ADGRL3: variants seen among roughly 807,000 people sequenced by gnomAD.
ADGRL3 encodes the protein calcium-independent alpha-latrotoxin receptor 3.
ADGRL3 carries 62 observed loss-of-function variants against 153.5 expected under a neutral mutation model. That is an observed-to-expected ratio of 0.40 (90% CI 0.33 to 0.50). ADGRL3 has a LOEUF of 0.50. Among genes scored for constraint, ADGRL3 ranks in the 20% least tolerant of loss-of-function variants. ADGRL3 has a pLI of 0.47. For missense variants in ADGRL3, 1,641 were observed against 1,859.4 expected (o/e 0.88, Z 2.16); for synonymous variants, 710 against 672.5 (o/e 1.06, Z -0.86).
chr4:61,914,558 G>A (rs914368246), intron 13 of ADGRL3, among the ~76,000 whole-genome samples: 2 of 152,064 alleles, frequency 1.3e-5, no homozygotes, highest in Non-Finnish European at 2.9e-5. Flanking sequence ...AACTTAGCAA[G>A]GCATTTGTTC....
chr4:61,984,449 A>G (rs2099078770), intron 19 of ADGRL3, among the ~76,000 whole-genome samples: 1 of 152,110 alleles, frequency 6.6e-6, no homozygotes, highest in African/African-American at 2.4e-5. Flanking sequence ...GTGCATGTCT[A>G]TAAAGCTACT....
chr4:61,528,709 G>A (rs1388069107), intron 4 of ADGRL3, among the ~76,000 whole-genome samples: 2 of 152,056 alleles, frequency 1.3e-5, no homozygotes, highest in Non-Finnish European at 2.9e-5. Flanking sequence ...TACACAATTA[G>A]GATAGGAATC....
intron 5 of ADGRL3, among the ~76,000 whole-genome samples, chr4:61,642,995 G>A (rs2093761579): frequency 6.6e-6 from 1 of 152,152 alleles, no homozygotes. Flanking sequence ...CCTTGAAGAG[G>A]TCCTTCACGT....
chr4:61,930,620 C>G (rs533427336), intron 13 of ADGRL3, among the ~76,000 whole-genome samples: 3 of 151,478 alleles, frequency 2.0e-5, no homozygotes, highest in African/African-American at 2.4e-5. Flanking sequence ...CTGAATTTGC[C>G]TAAGGTCTGA....
intron 1 of ADGRL3, among the ~76,000 whole-genome samples, chr4:61,335,636 C>T (rs886098853): frequency 1.3e-5 from 2 of 152,068 alleles, no homozygotes; most frequent in African/African-American, 4.8e-5. Flanking sequence ...TCATAGCTGT[C>T]AGGGCAAAGA....
chr4:61,335,076 G>A (rs2095649332), intron 1 of ADGRL3, among the ~76,000 whole-genome samples: 1 of 152,058 alleles, frequency 6.6e-6, no homozygotes, highest in Admixed American at 6.6e-5. Flanking sequence ...AATGATTTCT[G>A]CTTTTTTTGG....
intron 4 of ADGRL3, among the ~76,000 whole-genome samples, chr4:61,527,754 C>G (rs568025158): frequency 6.6e-6 from 1 of 151,902 alleles, no homozygotes; most frequent in African/African-American, 2.4e-5. Flanking sequence ...CACTTTTTTT[C>G]CATTAACAAG....
intron 6 of ADGRL3, among the ~76,000 whole-genome samples, chr4:61,683,974 G>A (rs886776549): frequency 2.6e-5 from 4 of 152,168 alleles, no homozygotes; most frequent in Admixed American, 1.3e-4. Context: ...GAGAGAAGAA[G>A]GGCAATCATT....
At chr4:61,997,007 T>A (rs1296105009) in intron 20 of ADGRL3, among the ~76,000 whole-genome samples, 1 of 150,680 alleles carries the variant, frequency 6.6e-6, no homozygotes, top group Non-Finnish European at 1.5e-5. Context: ...GTGAAAAAAA[T>A]GTTAGCCTAT....
intron 8 of ADGRL3, among the ~76,000 whole-genome samples, chr4:61,793,340 T>C (rs1310199473): frequency 6.6e-6 from 1 of 151,960 alleles, no homozygotes; most frequent in Non-Finnish European, 1.5e-5. Flanking sequence ...AGGAGAATGG[T>C]GTGAACCCAG....
intron 2 of ADGRL3, among the ~76,000 whole-genome samples, chr4:61,435,013 C>A (rs2097427282): frequency 6.6e-6 from 1 of 151,970 alleles, no homozygotes; most frequent in South Asian, 2.1e-4. Context: ...CATTAAACTG[C>A]AGAACATAGA....
At chr4:61,680,734 G>A (rs556189154) in intron 6 of ADGRL3, among the ~76,000 whole-genome samples, 1 of 152,154 alleles carries the variant, frequency 6.6e-6, no homozygotes, top group East Asian at 1.9e-4. Context: ...ATGTCAATGA[G>A]AAAGAAAATA....
At chr4:61,999,873 C>T (rs1049732374) in intron 21 of ADGRL3, among the ~76,000 whole-genome samples, 3 of 152,100 alleles carry the variant, frequency 2.0e-5, no homozygotes, top group East Asian at 3.9e-4. Context: ...TAGACATTAT[C>T]TACAATGAGT....
chr4:61,594,417 C>T (rs1269265815), intron 5 of ADGRL3, among the ~76,000 whole-genome samples: 2 of 152,108 alleles, frequency 1.3e-5, no homozygotes, highest in African/African-American at 4.8e-5. Flanking sequence ...GTAGTCTTTA[C>T]AGTCTGGGCT....
chr4:61,691,461 G>A (rs535176521), intron 6 of ADGRL3, among the ~76,000 whole-genome samples: 1 of 152,194 alleles, frequency 6.6e-6, no homozygotes, highest in South Asian at 2.1e-4. Context: ...GGATATTGGA[G>A]TTAAAGAGTC....
At chr4:61,748,955 T>C (rs1340505990) in intron 8 of ADGRL3, among the ~76,000 whole-genome samples, 1 of 151,398 alleles carries the variant, frequency 6.6e-6, no homozygotes, top group Non-Finnish European at 1.5e-5. Context: ...TTTCGCAACC[T>C]ACTCATCTGA....
intron 19 of ADGRL3, among the ~76,000 whole-genome samples, chr4:61,995,278 A>G (rs1054490668): frequency 6.6e-6 from 1 of 151,868 alleles, no homozygotes; most frequent in African/African-American, 2.4e-5. Context: ...ATAACATTTC[A>G]TCATATGAAT....
intron 18 of ADGRL3, among the ~76,000 whole-genome samples, chr4:61,983,067 A>C (rs2099073929): frequency 6.6e-6 from 1 of 152,118 alleles, no homozygotes; most frequent in Non-Finnish European, 1.5e-5. Flanking sequence ...CTTAAAATCT[A>C]TTTTAAAATA....
intron 9 of ADGRL3, among the ~76,000 whole-genome samples, chr4:61,883,291 G>A (rs954794184): frequency 9.9e-5 from 15 of 151,902 alleles, no homozygotes; most frequent in Admixed American, 6.6e-5. Flanking sequence ...AGCTCTATAA[G>A]GGCAGAGATT....
Sources: gnomAD v4.1 joint callset for allele counts (sites outside exome capture counted in the v4.1 genomes callset) on GRCh38, gnomAD v4.1.1 for gene constraint, MANE v1.5 for transcripts, NCBI Gene and HGNC (gene_info 2026-07-23, HGNC 2026-07-21) for gene names.